The following TXLNB variants were observed in gnomAD, a reference collection of about 807,000 sequenced individuals.
TXLNB encodes the protein beta-taxilin.
A neutral mutation model predicts 57.4 loss-of-function variants in TXLNB; 37 were observed. That is an observed-to-expected ratio of 0.64 (90% confidence interval 0.50 to 0.85). The LOEUF (loss-of-function observed/expected upper bound fraction) is 0.85, where lower values mean the gene tolerates loss of function less well. Among genes scored for constraint, TXLNB ranks in the 40% least tolerant of loss-of-function variants. The probability of loss-of-function intolerance (pLI) is 0.00; values close to 1 mark genes in which losing one functional copy is unlikely to be tolerated. For synonymous variants in TXLNB, 302 were observed against 309.6 expected, an observed-to-expected ratio of 0.98 and a Z score of 0.26; for missense variants, 848 against 825.6, an observed-to-expected ratio of 1.03 and a Z score of -0.33.
At chr6:139,211,314 C>T in the TXLNB span, among the ~76,000 whole-genome samples, 3 of 152,308 alleles carry the variant, frequency 2.0e-5, no homozygotes, top group Non-Finnish European at 4.4e-5. Flanking sequence ...GCAGCATTTG[C>T]GGTTCACCAA....
chr6:139,173,733 G>A, the TXLNB span, among the ~76,000 whole-genome samples: 1 of 152,180 alleles, frequency 6.6e-6, no homozygotes, highest in African/African-American at 2.4e-5. Flanking sequence ...ACATTAAGAT[G>A]TTATCAAATA....
At chr6:139,179,363 T>G in the TXLNB span, 1 of 152,232 alleles carries the variant, frequency 6.6e-6, no homozygotes, top group Non-Finnish European at 1.5e-5. Flanking sequence ...ACCTATACAT[T>G]GCATTCAGCA....
At chr6:139,183,611 A>G in the TXLNB span, 1 of 152,214 alleles carries the variant, frequency 6.6e-6, no homozygotes, top group Non-Finnish European at 1.5e-5. Context: ...AGCCATGTAC[A>G]CTTTTACCAG....
intron 4 of TXLNB, among the ~76,000 whole-genome samples, chr6:139,265,084 G>A (rs1776581081): frequency 6.6e-6 from 1 of 152,180 alleles, no homozygotes; most frequent in Non-Finnish European, 1.5e-5. Context: ...TACAACTGGT[G>A]CTGTGCCTGG....
At chr6:139,223,908 A>C in the TXLNB span, among the ~76,000 whole-genome samples, 1 of 150,808 alleles carries the variant, frequency 6.6e-6, no homozygotes, top group African/African-American at 2.4e-5. Context: ...GGGATCTAGA[A>C]CTAGAAATAC....
At position 139,247,906 on chromosome 6, in the gene TXLNB, T is replaced by C. The variant is rs72988902; in HGVS notation, c.1081A>G (p.Thr361Ala). The C allele has an allele frequency of 2.6e-3, 4,098 of 1,597,032 alleles. 8 individuals carry two copies. Among genetic ancestry groups the C allele is most frequent in the Non-Finnish European group, 3.2e-3 (3,756 of 1,169,074 alleles). Reference protein sequence around the residue: ...EQETVLQAQLTLYSGRFEEFQ... With the variant: ...EQETVLQAQLALYSGRFEEFQ... ...TCTTCAAACCTTCCTGAGTAGAGAG[T>C]GAGCTGTAAACAGAGGAAAGAGTGG... The change falls in exon 8 of 10, where the codon ACT becomes GCT. Residue 361 changes from threonine to alanine, a missense_variant. By Grantham distance (58) the Thr-to-Ala change is moderately conservative. Coordinates refer to ENST00000358430, the MANE Select transcript of TXLNB (RefSeq NM_153235.4).
the TXLNB span, among the ~76,000 whole-genome samples, chr6:139,171,153 T>A: frequency 6.6e-6 from 1 of 152,046 alleles, no homozygotes; most frequent in East Asian, 1.9e-4. Flanking sequence ...AATAAGCATT[T>A]GGGTTGAACA....
intron 2 of TXLNB, chr6:139,277,126 C>G (rs1270399322): frequency 2.0e-6 from 1 of 505,822 alleles, no homozygotes; most frequent in African/African-American, 2.0e-5. Flanking sequence ...ATGTGTGGTA[C>G]GGTGTGAGGT....
the TXLNB span, among the ~76,000 whole-genome samples, chr6:139,220,189 T>A: frequency 6.6e-6 from 1 of 152,210 alleles, no homozygotes; most frequent in African/African-American, 2.4e-5. Flanking sequence ...CATGAGAAGA[T>A]GGCTGTCTAT....
At chr6:139,215,387 A>G in the TXLNB span, among the ~76,000 whole-genome samples, 25 of 152,364 alleles carry the variant, frequency 1.6e-4, 1 homozygote, top group African/African-American at 5.8e-4. Flanking sequence ...AGGATTCCCT[A>G]TTTAATAAAT....
chr6:139,171,323 T>C, the TXLNB span, among the ~76,000 whole-genome samples: 7 of 152,278 alleles, frequency 4.6e-5, no homozygotes, highest in East Asian at 1.2e-3. Context: ...AAATTAGGCC[T>C]GAGTACTTGT....
chr6:139,247,488 G>T (rs1776092965), intron 8 of TXLNB, among the ~76,000 whole-genome samples: 2 of 134,482 alleles, frequency 1.5e-5, no homozygotes, highest in African/African-American at 5.5e-5. Context: ...TATATTTTGA[G>T]TTCAGTATAT....
chr6:139,319,150 G>A, the TXLNB span, among the ~76,000 whole-genome samples: 6 of 151,844 alleles, frequency 4.0e-5, no homozygotes, highest in African/African-American at 2.4e-5. Flanking sequence ...TACCATGTTG[G>A]CCAGGCTGGT....
chr6:139,293,088 C>A (rs1777331986), upstream of TXLNB, among the ~76,000 whole-genome samples: 1 of 152,052 alleles, frequency 6.6e-6, no homozygotes. Context: ...TCAATGTAAT[C>A]ATAAGGGTAT....
the TXLNB span, among the ~76,000 whole-genome samples, chr6:139,226,335 A>G: frequency 4.4e-5 from 1 of 22,776 alleles, no homozygotes; most frequent in African/African-American, 9.2e-5. Flanking sequence ...AAAGAGATAG[A>G]GAGAGAGAGA....
chr6:139,161,043 G>GGT, the TXLNB span, among the ~76,000 whole-genome samples: 2 of 151,868 alleles, frequency 1.3e-5, no homozygotes, highest in Non-Finnish European at 2.9e-5. Context: ...GTGTGTGTGT[G>GGT]GTGTGTGTGT....
chr6:139,307,038 T>A, the TXLNB span, among the ~76,000 whole-genome samples: 1 of 152,218 alleles, frequency 6.6e-6, no homozygotes, highest in Admixed American at 6.5e-5. Context: ...CATTTTGGAA[T>A]CATGATTCTA....
At chr6:139,282,762 C>T (rs1777084181) in intron 2 of TXLNB, among the ~76,000 whole-genome samples, 1 of 145,480 alleles carries the variant, frequency 6.9e-6, no homozygotes, top group African/African-American at 2.5e-5. Flanking sequence ...CACTTTGGTC[C>T]TGCGATGTCA....
chr6:139,248,272 C>CAAAA (rs59145478), intron 7 of TXLNB, among the ~76,000 whole-genome samples: 1 of 81,490 alleles, frequency 1.2e-5, no homozygotes, highest in Non-Finnish European at 2.6e-5. Context: ...GACTCCGTCT[C>CAAAA]AAAAAAAAAA....
Sources: gnomAD v4.1 joint callset for allele counts (sites outside exome capture counted in the v4.1 genomes callset) on GRCh38, gnomAD v4.1.1 for gene constraint, MANE v1.5 for transcripts, NCBI Gene and HGNC (gene_info 2026-07-23, HGNC 2026-07-21) for gene names.